ERC2: variants seen among roughly 807,000 people sequenced by gnomAD.
The protein encoded by ERC2 is ERC protein 2.
In ERC2, 42 loss-of-function variants were observed where a neutral mutation model predicts 114.8. The observed-to-expected ratio is 0.37, with a 90% CI of 0.29 to 0.47. The LOEUF (loss-of-function observed/expected upper bound fraction) is 0.47, where lower values mean the gene tolerates loss of function less well. Ranked by LOEUF, ERC2 falls within the 20% of genes least tolerant of loss-of-function variation. The pLI, the probability that ERC2 is intolerant of heterozygous loss-of-function variation, is 0.99. For synonymous variants in ERC2, 454 were observed against 425.5 expected, an observed-to-expected ratio of 1.07 and a Z score of -0.82; for missense variants, 939 against 1,150.7, an observed-to-expected ratio of 0.82 and a Z score of 2.66.
At chr3:55,536,007 AAAC>A (rs546940453) in intron 17 of ERC2, among the ~76,000 whole-genome samples, 2 of 152,262 alleles carry the variant, frequency 1.3e-5, no homozygotes, top group South Asian at 2.1e-4. Flanking sequence ...CTCAAAAACA[AAAC>A]AACAACAACA....
At chr3:56,385,224 G>C (rs1329129545) in intron 2 of ERC2, among the ~76,000 whole-genome samples, 1 of 152,140 alleles carries the variant, frequency 6.6e-6, no homozygotes, top group African/African-American at 2.4e-5. Flanking sequence ...CAGCAGATTT[G>C]ATGTCTGCTG....
chr3:55,943,162 T>G (rs2066912329), intron 13 of ERC2, among the ~76,000 whole-genome samples: 1 of 152,208 alleles, frequency 6.6e-6, no homozygotes, highest in Non-Finnish European at 1.5e-5. Context: ...TGAACACGAT[T>G]GCACCCTAGG....
intron 14 of ERC2, among the ~76,000 whole-genome samples, chr3:55,836,940 C>T (rs1258876915): frequency 2.6e-5 from 4 of 152,168 alleles, no homozygotes; most frequent in South Asian, 4.2e-4. Flanking sequence ...AAAAAGTGGG[C>T]GAAGGATATG....
intron 14 of ERC2, among the ~76,000 whole-genome samples, chr3:55,844,053 T>C (rs1455419783): frequency 1.3e-5 from 2 of 152,206 alleles, no homozygotes; most frequent in African/African-American, 4.8e-5. Context: ...CATTTTTGAA[T>C]TCCTTTCAAA....
At chr3:55,769,431 G>A (rs1471732005) in intron 14 of ERC2, among the ~76,000 whole-genome samples, 5 of 151,814 alleles carry the variant, frequency 3.3e-5, no homozygotes, top group Admixed American at 2.0e-4. Flanking sequence ...ACATCTTAGG[G>A]GGAACATCAC....
At chr3:55,706,661 C>T (rs780307462) in intron 15 of ERC2, among the ~76,000 whole-genome samples, 6 of 152,134 alleles carry the variant, frequency 3.9e-5, no homozygotes, top group African/African-American at 7.2e-5. Context: ...ATCCACCCAC[C>T]TCAGCCTCCC....
At chr3:56,024,263 T>C (rs2073909402) in intron 7 of ERC2, among the ~76,000 whole-genome samples, 1 of 152,220 alleles carries the variant, frequency 6.6e-6, no homozygotes, top group South Asian at 2.1e-4. Context: ...AGTGGTCTAG[T>C]GCAAACACTG....
intron 12 of ERC2, among the ~76,000 whole-genome samples, chr3:55,964,391 C>T (rs2068602381): frequency 1.3e-5 from 2 of 151,768 alleles, no homozygotes; most frequent in Non-Finnish European, 1.5e-5. Context: ...ATTACTGAGG[C>T]CTTGGCCACA....
intron 6 of ERC2, among the ~76,000 whole-genome samples, chr3:56,104,136 A>T (rs903696725): frequency 1.3e-5 from 2 of 152,194 alleles, no homozygotes; most frequent in African/African-American, 4.8e-5. Flanking sequence ...GTTACTACAG[A>T]CTGCTATGTC....
At chr3:55,695,060 T>C (rs959170439) in intron 16 of ERC2, among the ~76,000 whole-genome samples, 2 of 152,204 alleles carry the variant, frequency 1.3e-5, no homozygotes, top group East Asian at 3.8e-4. Context: ...ATCACTGATA[T>C]GTTTTAAGGC....
chr3:55,612,375 AACAACTGAAG>A (rs1214673668), intron 17 of ERC2, among the ~76,000 whole-genome samples: 3 of 152,302 alleles, frequency 2.0e-5, no homozygotes, highest in Non-Finnish European at 4.4e-5. Context: ...TCTCATAATC[AACAACTGAAG>A]ACTTCCCAAA....
chr3:56,249,243 T>A (rs2051939567), intron 3 of ERC2, among the ~76,000 whole-genome samples: 1 of 152,234 alleles, frequency 6.6e-6, no homozygotes, highest in African/African-American at 2.4e-5. Flanking sequence ...AAATATTTCA[T>A]ATCATACATA....
chr3:56,242,887 G>T (rs936551629), intron 3 of ERC2, among the ~76,000 whole-genome samples: 1 of 152,124 alleles, frequency 6.6e-6, no homozygotes, highest in Non-Finnish European at 1.5e-5. Context: ...AGATTTTACT[G>T]ACCTAAAAGT....
intron 2 of ERC2, among the ~76,000 whole-genome samples, chr3:56,400,519 T>C (rs1425212474): frequency 6.6e-6 from 1 of 152,180 alleles, no homozygotes; most frequent in African/African-American, 2.4e-5. Context: ...CTGTGAACAA[T>C]GCATTAATCC....
chr3:55,639,936 A>T (rs560999281), intron 17 of ERC2, among the ~76,000 whole-genome samples: 1 of 152,302 alleles, frequency 6.6e-6, no homozygotes, highest in South Asian at 2.1e-4. Flanking sequence ...GCGACACTCA[A>T]AGTCTCACCG....
intron 15 of ERC2, among the ~76,000 whole-genome samples, chr3:55,716,685 G>C (rs553017706): frequency 7.6e-4 from 115 of 152,214 alleles, no homozygotes; most frequent in African/African-American, 2.2e-3. Flanking sequence ...TAAACTCTGT[G>C]GATCAACTGT....
chr3:55,538,891 C>T (rs2054179180), intron 17 of ERC2, among the ~76,000 whole-genome samples: 1 of 152,124 alleles, frequency 6.6e-6, no homozygotes, highest in Non-Finnish European at 1.5e-5. Context: ...TGAAGATTTC[C>T]CCCCATTAAA....
intron 2 of ERC2, among the ~76,000 whole-genome samples, chr3:56,381,208 T>C (rs949016936): frequency 3.9e-5 from 6 of 152,170 alleles, no homozygotes; most frequent in African/African-American, 1.4e-4. Context: ...TATAACTTCA[T>C]TGTCAATATT....
chr3:56,233,491 A>C (rs2050755578), intron 3 of ERC2, among the ~76,000 whole-genome samples: 1 of 152,100 alleles, frequency 6.6e-6, no homozygotes, highest in Non-Finnish European at 1.5e-5. Context: ...TAAAAATACA[A>C]AAATTAGCCG....
Sources: gnomAD v4.1 joint callset for allele counts (sites outside exome capture counted in the v4.1 genomes callset) on GRCh38, gnomAD v4.1.1 for gene constraint, MANE v1.5 for transcripts, NCBI Gene and HGNC (gene_info 2026-07-23, HGNC 2026-07-21) for gene names.